The following FRYL variants were observed in gnomAD, a reference collection of about 807,000 sequenced individuals.
FRYL encodes FRY like transcription coactivator, also known as protein furry homolog-like.
FRYL carries 150 observed loss-of-function variants against 351.2 expected under a neutral mutation model. The ratio of observed to expected loss-of-function variants is 0.43; its 90% CI spans 0.37 to 0.49. The LOEUF is 0.49. Among genes scored for constraint, FRYL ranks in the 20% least tolerant of loss-of-function variants. The pLI is 0.00. For synonymous variants in FRYL, 1,153 were observed against 1,257.1 expected (o/e 0.92, Z 1.75); for missense variants, 3,036 against 3,619.3 (o/e 0.84, Z 4.13).
chr4:48,615,723 C>T (rs895812153), intron 7 of FRYL, among the ~76,000 whole-genome samples: 4 of 152,150 alleles, frequency 2.6e-5, no homozygotes, highest in Admixed American at 6.5e-5. Flanking sequence ...ATTAGCTCTT[C>T]GGCTAACTTG....
At chr4:48,648,609 A>C (rs1203840884) in intron 3 of FRYL, among the ~76,000 whole-genome samples, 1 of 152,202 alleles carries the variant, frequency 6.6e-6, no homozygotes, top group Non-Finnish European at 1.5e-5. Context: ...TCTTTTGCTT[A>C]TCTGAGCCCC....
rs1313327560 is a variant in FRYL, at chr4:48,688,747, C to CT, written c.-203-3953dup. On this transcript the variant is annotated intron_variant, in intron 2 of 63. Coordinates refer to ENST00000358350, the MANE Select transcript of FRYL (RefSeq NM_015030.2). ...GCACGATGTTGGCTCACTGCAACCTCTGCCTCCCATATTCAAGTGATTCTC... is the reference window on the plus strand; with the variant it reads ...GCACGATGTTGGCTCACTGCAACCTCTTGCCTCCCATATTCAAGTGATTCTC... Among the ~76,000 whole-genome samples the CT allele has an allele frequency of 6.2e-5, 9 of 144,176 alleles. No individual in the cohort carries two copies. The East Asian group carries it at 1.9e-3, about 30-fold the overall frequency. The allele number at this position is 144,176 out of a possible 152,430, so 94.6% of individuals were successfully genotyped here.
intron 1 of FRYL, among the ~76,000 whole-genome samples, chr4:48,749,069 A>G (rs1010194898): frequency 6.6e-6 from 1 of 152,184 alleles, no homozygotes; most frequent in Non-Finnish European, 1.5e-5. Context: ...TGAGCAAGGA[A>G]ACGGTAGGGG....
At chr4:48,599,331 TTC>T (rs539779903) in intron 13 of FRYL, among the ~76,000 whole-genome samples, 109 of 152,296 alleles carry the variant, frequency 7.2e-4, no homozygotes, top group Admixed American at 1.6e-3. Context: ...GAATACCAAA[TTC>T]TGTTTGGGAC....
chr4:48,601,589 C>T (rs1275072884), intron 13 of FRYL, among the ~76,000 whole-genome samples: 2 of 152,030 alleles, frequency 1.3e-5, no homozygotes, highest in East Asian at 3.8e-4. Context: ...TAGATATGGC[C>T]GGGCATACTT....
intron 7 of FRYL, among the ~76,000 whole-genome samples, chr4:48,611,073 C>G (rs1028503143): frequency 1.3e-5 from 2 of 151,812 alleles, no homozygotes; most frequent in African/African-American, 4.8e-5. Flanking sequence ...TAGTTCTACA[C>G]AGTCATCCTT....
At chr4:48,699,549 CT>C (rs1243267833) in intron 2 of FRYL, among the ~76,000 whole-genome samples, 1 of 152,152 alleles carries the variant, frequency 6.6e-6, no homozygotes, top group Non-Finnish European at 1.5e-5. Flanking sequence ...AATCTTTAAT[CT>C]AAAATACATG....
chr4:48,546,043 G>GA, intron 42 of FRYL, 24 bp downstream of exon 42: 1 of 1,596,200 alleles, frequency 6.3e-7, no homozygotes, highest in Non-Finnish European at 8.6e-7. Context: ...ACACTGCTGG[G>GA]ATGATAAGAG....
intron 47 of FRYL, among the ~76,000 whole-genome samples, chr4:48,537,326 G>A (rs1001101636): frequency 6.6e-6 from 1 of 152,044 alleles, no homozygotes; most frequent in African/African-American, 2.4e-5. Flanking sequence ...TTTAATTTTG[G>A]AATTTTTGAA....
intron 1 of FRYL, among the ~76,000 whole-genome samples, chr4:48,718,853 CA>C (rs1769159112): frequency 2.0e-5 from 3 of 151,310 alleles, no homozygotes. Context: ...CCCCAACACA[CA>C]AAAAAAGTAT....
intron 7 of FRYL, among the ~76,000 whole-genome samples, chr4:48,616,167 T>C (rs1372922632): frequency 1.3e-5 from 2 of 151,302 alleles, no homozygotes; most frequent in African/African-American, 4.9e-5. Flanking sequence ...TGTATACCTA[T>C]GTAAAAAACC....
chr4:48,766,719 T>C (rs1774983389), intron 1 of FRYL, among the ~76,000 whole-genome samples: 1 of 152,130 alleles, frequency 6.6e-6, no homozygotes, highest in African/African-American at 2.4e-5. Flanking sequence ...AAATAATCAG[T>C]GCTAGGAAGT....
intron 36 of FRYL, 102 bp downstream of exon 36, chr4:48,553,113 T>C: frequency 1.3e-6 from 1 of 776,234 alleles, no homozygotes; most frequent in Non-Finnish European, 2.0e-6. Context: ...CTGAGATTCA[T>C]AACATGTTAT....
At chr4:48,537,614 C>T (rs1005403789) in intron 47 of FRYL, among the ~76,000 whole-genome samples, 10 of 152,124 alleles carry the variant, frequency 6.6e-5, no homozygotes, top group Admixed American at 2.6e-4. Flanking sequence ...TAAAAGCATA[C>T]GGAGAGGGAA....
At chr4:48,767,188 C>T (rs1775049066) in intron 1 of FRYL, among the ~76,000 whole-genome samples, 1 of 151,980 alleles carries the variant, frequency 6.6e-6, no homozygotes, top group Non-Finnish European at 1.5e-5. Context: ...CCTTAGGAAA[C>T]TTACAATCAT....
At chr4:48,569,722 T>C (rs768994946) in intron 27 of FRYL, among the ~76,000 whole-genome samples, 43 of 152,228 alleles carry the variant, frequency 2.8e-4, no homozygotes, top group Admixed American at 1.9e-3. Flanking sequence ...ATGAAAGGTG[T>C]TCGGTAAAAT....
At chr4:48,533,196 C>T (rs1249648311) in intron 49 of FRYL, among the ~76,000 whole-genome samples, 5 of 151,832 alleles carry the variant, frequency 3.3e-5, no homozygotes, top group Non-Finnish European at 7.4e-5. Flanking sequence ...AAGAAATGTA[C>T]CTATGGTTCA....
intron 50 of FRYL, among the ~76,000 whole-genome samples, chr4:48,530,558 A>G (rs1727328679): frequency 6.6e-6 from 1 of 152,122 alleles, no homozygotes; most frequent in Non-Finnish European, 1.5e-5. Context: ...ATGAAATGCA[A>G]GATCCCCATG....
chr4:48,729,510 C>T (rs1021042801), intron 1 of FRYL, among the ~76,000 whole-genome samples: 1 of 152,102 alleles, frequency 6.6e-6, no homozygotes, highest in Admixed American at 6.5e-5. Context: ...CTCATACAGG[C>T]GGGTGCCTCT....
Sources: gnomAD v4.1 joint callset for allele counts (sites outside exome capture counted in the v4.1 genomes callset) on GRCh38, gnomAD v4.1.1 for gene constraint, MANE v1.5 for transcripts, NCBI Gene and HGNC (gene_info 2026-07-23, HGNC 2026-07-21) for gene names.